P3H2: variants seen among roughly 807,000 people sequenced by gnomAD.
P3H2 encodes the protein leprecan-like 1.
In P3H2, 80 loss-of-function variants were observed where a neutral mutation model predicts 87.0. The ratio of observed to expected loss-of-function variants is 0.92; its 90% CI spans 0.77 to 1.11. P3H2 has a LOEUF of 1.11. P3H2 is among the 50% of genes least tolerant of loss of function. The pLI, the probability that P3H2 is intolerant of heterozygous loss-of-function variation, is 0.00. For synonymous variants in P3H2, 367 were observed against 359.3 expected (o/e 1.02, Z -0.24); for missense variants, 1,001 against 923.9 (o/e 1.08, Z -1.08).
intron 1 of P3H2, among the ~76,000 whole-genome samples, chr3:190,091,126 G>C (rs1031568257): frequency 1.3e-5 from 2 of 152,162 alleles, no homozygotes; most frequent in Non-Finnish European, 1.5e-5. Flanking sequence ...CAAGTGAAGA[G>C]GAATTTCAGC....
rs139325579 is a variant in P3H2, at chr3:189,997,401, A to C, written c.481-1959T>G. 3.8e-3 allele frequency among the ~76,000 whole-genome samples: 586 copies of C among 152,362 alleles called. 5 individuals carry two copies. Among genetic ancestry groups the C allele is most frequent in the African/African-American group, 0.014 (564 of 41,586 alleles). Reference sequence around the variant, plus strand: ...ATCTAAAATATGCTCAATCCATTTTAGTGTGAAGAAATGAAAACTAATTGT... The same window carrying C: ...ATCTAAAATATGCTCAATCCATTTTCGTGTGAAGAAATGAAAACTAATTGT... On this transcript the variant is annotated intron_variant, in intron 1 of 14. Transcript: ENST00000319332.
At chr3:190,074,141 A>G (rs1726792340) in intron 1 of P3H2, among the ~76,000 whole-genome samples, 1 of 152,166 alleles carries the variant, frequency 6.6e-6, no homozygotes, top group Non-Finnish European at 1.5e-5. Context: ...CAGTTTCTGG[A>G]TTAGTAAAGT....
chr3:190,034,425 T>A (rs1725352981), intron 1 of P3H2, among the ~76,000 whole-genome samples: 1 of 152,178 alleles, frequency 6.6e-6, no homozygotes. Context: ...ATTCAGAAGT[T>A]TCTGCAGTAT....
rs947340552 is a variant in P3H2 at position 189,987,758 on chromosome 3, C to T, written c.956-89G>A. ...AGGCCATCAACGTGTCTACAAAGGT[C>T]AGCATTAAACATGAATAAGAGGGAA... On this transcript the variant is annotated intron_variant, in intron 4 of 14. Transcript: ENST00000319332. 1.3e-5 allele frequency: 18 copies of T among 1,417,398 alleles called. No individual in the cohort carries two copies. The African/African-American group carries it at 2.4e-4, about 19-fold the overall frequency. 87.8% of individuals were successfully genotyped at this position (1,417,398 alleles called of 1,614,324 possible). A position where few individuals can be genotyped will look rare whatever the true frequency, so the allele number is the denominator to read the frequency against.
chr3:190,043,776 C>A lies in P3H2; in HGVS notation c.481-48334G>T, dbSNP rs1016259088. Among the ~76,000 whole-genome samples, 31 of 152,200 alleles carry A rather than the reference C, an allele frequency of 2.0e-4. 1 individual carries two copies. The highest frequency in any genetic ancestry group is 2.0e-3 in the Admixed American group (30 of 15,272). On this transcript the variant is annotated intron_variant, in intron 1 of 14. Transcript: ENST00000319332. ...CAATAATGAGAGTAGGAATTATGAACCTTGAGCCAACATGTTCCACAAGTT... is the reference window on the plus strand; with the variant it reads ...CAATAATGAGAGTAGGAATTATGAAACTTGAGCCAACATGTTCCACAAGTT...
rs188607685 is a variant in P3H2, at chr3:189,981,279, T to C, written c.1324+1767A>G. 7.5e-3 allele frequency among the ~76,000 whole-genome samples: 1,148 copies of C among 152,304 alleles called. 9 individuals are homozygous for C. Among genetic ancestry groups the C allele is most frequent in the South Asian group, 0.021 (99 of 4,820 alleles). ...TATAGGTAACAACTTATACTTGCAA[T>C]TGGCATCTGAAATGCCAGTTGTGGG... On this transcript the variant is annotated intron_variant, in intron 8 of 14. Transcript: ENST00000319332.
intron 1 of P3H2, among the ~76,000 whole-genome samples, chr3:190,103,066 C>A (rs1711689927): frequency 6.6e-6 from 1 of 152,122 alleles, no homozygotes; most frequent in African/African-American, 2.4e-5. Context: ...ACTTAACAGA[C>A]TAAATTATAA....
chr3:189,994,783 G>A (rs1453933530), intron 2 of P3H2, among the ~76,000 whole-genome samples: 2 of 150,518 alleles, frequency 1.3e-5, no homozygotes, highest in African/African-American at 4.9e-5. Context: ...TTCAACATGT[G>A]ATTTCAAGTA....
rs185714641 is a variant in P3H2 at position 190,012,331 on chromosome 3, C to T, written c.481-16889G>A. ...ATTCCTGCTGTCCTTAATCTATTTACCACACTGCAGCCAGAGTGATCTTTC... is the reference window on the plus strand; with the variant it reads ...ATTCCTGCTGTCCTTAATCTATTTATCACACTGCAGCCAGAGTGATCTTTC... On this transcript the variant is annotated intron_variant, in intron 1 of 14. Coordinates refer to ENST00000319332, the MANE Select transcript of P3H2 (RefSeq NM_018192.4). Among the ~76,000 whole-genome samples, 540 of 151,814 alleles carry T rather than the reference C, an allele frequency of 3.6e-3. 2 individuals are homozygous for T. The highest frequency in any genetic ancestry group is 0.012 in the African/African-American group (517 of 41,430).
intron 4 of P3H2, among the ~76,000 whole-genome samples, chr3:189,988,406 CATGT>C (rs1414994908): frequency 1.7e-4 from 25 of 148,356 alleles, no homozygotes; most frequent in Non-Finnish European, 3.1e-4. Flanking sequence ...TGTGTGTGTG[CATGT>C]ATGTGTGTAT....
At chr3:189,971,696 G>A in intron 12 of P3H2, 194 bp downstream of exon 12, 1 of 580,586 alleles carries the variant, frequency 1.7e-6, no homozygotes. Flanking sequence ...GATGCAAACT[G>A]TGCACAATTT....
intron 1 of P3H2, among the ~76,000 whole-genome samples, chr3:190,069,613 T>C (rs2108971996): frequency 6.6e-6 from 1 of 152,278 alleles, no homozygotes; most frequent in Non-Finnish European, 1.5e-5. Context: ...ACCAAGATGC[T>C]GAAGGACACC....
rs74882343 is a variant in P3H2, at chr3:190,051,768, G to C, written c.481-56326C>G. On this transcript the variant is annotated intron_variant, in intron 1 of 14. Coordinates refer to ENST00000319332, the MANE Select transcript of P3H2 (RefSeq NM_018192.4). ...CAGCCCACAGTGAATTCTTGCAGCTGGGTTAGGATCCCCCAAGAAAGGGCG... is the reference window on the plus strand; with the variant it reads ...CAGCCCACAGTGAATTCTTGCAGCTCGGTTAGGATCCCCCAAGAAAGGGCG... Among the ~76,000 whole-genome samples, 559 of 152,294 alleles carry C rather than the reference G, an allele frequency of 3.7e-3. 3 individuals carry two copies. The highest frequency in any genetic ancestry group is 0.013 in the African/African-American group (539 of 41,568).
intron 1 of P3H2, among the ~76,000 whole-genome samples, chr3:190,007,965 C>CACACACACACACACACACACAT: frequency 0.02 from 1,925 of 94,368 alleles, 43 homozygotes; most frequent in Non-Finnish European, 0.025. Context: ...TGTTGACACA[C>CACACACACACACACACACACAT]ATATATATAT....
chr3:190,089,109 T>C (rs1727323016), intron 1 of P3H2, among the ~76,000 whole-genome samples: 2 of 152,192 alleles, frequency 1.3e-5, no homozygotes, highest in African/African-American at 4.8e-5. Flanking sequence ...CCAGCATTCA[T>C]GCCAAGTGAC....
chr3:189,976,963 TAA>T (rs982824408), intron 8 of P3H2, among the ~76,000 whole-genome samples: 74 of 152,328 alleles, frequency 4.9e-4, no homozygotes, highest in African/African-American at 1.8e-3. Context: ...AAATAAAAGA[TAA>T]GAGGACGTCT....
At chr3:190,116,460 G>A (rs1712291762) in intron 1 of P3H2, 1 of 152,082 alleles carries the variant, frequency 6.6e-6, no homozygotes, top group African/African-American at 2.4e-5. Flanking sequence ...ATAGAGACTG[G>A]GAAAACTAAA....
chr3:189,973,255 T>C (rs1723232231), intron 10 of P3H2: 1 of 526,904 alleles, frequency 1.9e-6, no homozygotes, highest in Admixed American at 3.2e-5. Context: ...TCTTCTATTA[T>C]AATATGTTCT....
intron 1 of P3H2, among the ~76,000 whole-genome samples, chr3:190,054,356 C>T (rs1252787063): frequency 1.3e-5 from 2 of 152,020 alleles, no homozygotes; most frequent in Non-Finnish European, 2.9e-5. Context: ...TCAGCCACGA[C>T]ACAGACTGAT....
Sources: allele counts gnomAD v4.1 joint callset (sites outside exome capture counted in the v4.1 genomes callset), GRCh38; gene constraint gnomAD v4.1.1; transcripts MANE v1.5; gene names NCBI Gene and HGNC (gene_info 2026-07-23, HGNC 2026-07-21).